The following SLC36A3 variants were observed in gnomAD, a reference collection of about 807,000 sequenced individuals.
SLC36A3 encodes solute carrier family 36 member 3.
SLC36A3 carries 35 observed loss-of-function variants against 44.3 expected under a neutral mutation model. The ratio of observed to expected loss-of-function variants is 0.79; its 90% CI spans 0.60 to 1.05. The LOEUF (loss-of-function observed/expected upper bound fraction) is 1.05. Ranked by LOEUF, SLC36A3 falls within the 50% of genes least tolerant of loss-of-function variation. SLC36A3 has a pLI of 0.00. For synonymous variants in SLC36A3, 211 were observed against 227.6 expected, an observed-to-expected ratio of 0.93 and a Z score of 0.66; for missense variants, 540 against 578.7, an observed-to-expected ratio of 0.93 and a Z score of 0.69.
chr5:151,287,515 A>G, intron 5 of SLC36A3, 51 bp from the exon 6 acceptor site: 2 of 1,527,534 alleles, frequency 1.3e-6, no homozygotes, highest in Non-Finnish European at 1.8e-6. Flanking sequence ...AAAACACAGG[A>G]CACCAATTAC....
At chr5:151,279,022 A>G (rs55823924) in intron 9 of SLC36A3, among the ~76,000 whole-genome samples, 2,257 of 152,282 alleles carry the variant, frequency 0.015, 27 homozygotes, top group Middle Eastern at 0.041. Context: ...GCCCTGACAA[A>G]GCTCTGACCT....
chr5:151,298,348 G>A (rs556478979), intron 2 of SLC36A3: 2 of 468,304 alleles, frequency 4.3e-6, no homozygotes, highest in Admixed American at 7.3e-5. Flanking sequence ...GAGGACTGCG[G>A]GGAGAATTGT....
chr5:151,287,521 A>G (rs1013620914), intron 5 of SLC36A3, 57 bp from the exon 6 acceptor site: 12 of 1,513,494 alleles, frequency 7.9e-6, no homozygotes, highest in Admixed American at 5.3e-5. Flanking sequence ...CAGGACACCA[A>G]TTACATTTGA....
rs770817238 is a variant in SLC36A3 at position 151,288,464 on chromosome 5, A to G, written c.411T>C (p.Thr137=). The G allele has an allele frequency of 3.2e-6, 5 of 1,566,120 alleles. No homozygotes were observed. The highest frequency in any genetic ancestry group is 4.3e-6 in the Non-Finnish European group (5 of 1,154,622). ...LRAHAVWGRY[T]VSFLLVITQL... ...GGGTGATGACTAATAAGAAGCTGAC[A>G]GTGTACCTGGGAAGGAAAGGAAGAG... Residue 137 remains threonine (T), a synonymous_variant, in exon 5 of 10, where the codon ACT becomes ACC. Coordinates refer to ENST00000335230, the MANE Select transcript of SLC36A3 (RefSeq NM_181774.4).
In SLC36A3 at chr5:151,299,252, C is replaced by A. The variant is rs4099174; in HGVS notation, c.129-569G>T. Among the ~76,000 whole-genome samples the A allele has an allele frequency of 9.5e-3, 898 of 94,336 alleles. 4 individuals carry two copies. Among genetic ancestry groups the A allele is most frequent in the Non-Finnish European group, 0.014 (658 of 48,650 alleles). 61.9% of individuals were successfully genotyped at this position (94,336 alleles called of 152,430 possible). On this transcript the variant is annotated intron_variant, in intron 1 of 9. Coordinates refer to ENST00000335230, the MANE Select transcript of SLC36A3 (RefSeq NM_181774.4). ...TCTCTCTCTCTCTCTCTCTCTCTCTCTCTCTCTCTCTCTATATATATATAT... is the reference window on the plus strand; with the variant it reads ...TCTCTCTCTCTCTCTCTCTCTCTCTATCTCTCTCTCTCTATATATATATAT...
chr5:151,287,503 G>T (rs549917667), intron 5 of SLC36A3, 39 bp from the exon 6 acceptor site: 2 of 1,577,584 alleles, frequency 1.3e-6, no homozygotes, highest in East Asian at 2.2e-5. Flanking sequence ...TGGTTGCTAC[G>T]TAAAACACAG....
intron 4 of SLC36A3, among the ~76,000 whole-genome samples, chr5:151,290,617 C>T (rs941751746): frequency 2.0e-4 from 31 of 152,128 alleles, no homozygotes; most frequent in African/African-American, 6.8e-4. Context: ...CAGTATGGGC[C>T]GGGTGCAGTG....
At chr5:151,284,560 T>C (rs1003770850) in intron 7 of SLC36A3, 53 bp downstream of exon 7, 15 of 1,303,332 alleles carry the variant, frequency 1.2e-5, no homozygotes, top group Non-Finnish European at 1.5e-5. Flanking sequence ...CAACTACAGT[T>C]GGCCACTGTA....
intron 1 of SLC36A3, among the ~76,000 whole-genome samples, chr5:151,299,423 C>T (rs1755099325): frequency 6.7e-6 from 1 of 148,644 alleles, no homozygotes; most frequent in South Asian, 2.1e-4. Context: ...TATATATCGA[C>T]ATTATGCACT....
At position 151,293,376 on chromosome 5, in the gene SLC36A3, G is replaced by A; in HGVS notation, c.392C>T (p.Ala131Val). 6.2e-7 allele frequency: 1 copy of A among 1,613,490 alleles called. No homozygotes were observed. Among genetic ancestry groups the A allele is most frequent in the South Asian group, 1.1e-5 (1 of 90,912 alleles). Residue 131 changes from alanine (A) to valine (V), a missense_variant, in exon 4 of 10, where the codon GCA (alanine) becomes GTA (valine). Ala to Val is a moderately conservative substitution (Grantham distance 64). Coordinates refer to ENST00000335230, the MANE Select transcript of SLC36A3 (RefSeq NM_181774.4). Reference sequence around the variant, plus strand: ...CTGTGACTACTACCTTCCCCACACTGCATGGGCCCTCAGCCAGGTGTTCGG... The same window carrying A: ...CTGTGACTACTACCTTCCCCACACTACATGGGCCCTCAGCCAGGTGTTCGG... ...TCPNTWLRAHAVWGRYTVSFL... is the reference protein window; with the variant it reads ...TCPNTWLRAHVVWGRYTVSFL...
chr5:151,298,745 A>G, intron 1 of SLC36A3, 62 bp from the exon 2 acceptor site: 1 of 1,554,524 alleles, frequency 6.4e-7, no homozygotes, highest in Middle Eastern at 1.7e-4. Flanking sequence ...ATGGCCAGAA[A>G]CTCAGCCTCC....
At position 151,303,421 on chromosome 5, in the gene SLC36A3, T is replaced by C; in HGVS notation, c.-67A>G. The C allele has an allele frequency of 6.6e-7, 1 of 1,515,134 alleles. No individual in the cohort carries two copies. The allele number at this position is 1,515,134 out of a possible 1,614,324, so 93.9% of individuals were successfully genotyped here. ...CTCTGAATGAGCCTCTGATGGGTCT[T>C]TCTCCAGAGAAACCATGGCTGCTGA... is the stretch of plus-strand genomic sequence containing the variant. On this transcript the variant is annotated 5_prime_UTR_variant, in exon 1 of 10. Coordinates refer to ENST00000335230, the MANE Select transcript of SLC36A3 (RefSeq NM_181774.4).
intron 6 of SLC36A3, among the ~76,000 whole-genome samples, chr5:151,286,060 A>T (rs540489586): frequency 6.6e-6 from 1 of 152,236 alleles, no homozygotes; most frequent in Admixed American, 6.5e-5. Flanking sequence ...CAAGAAAATG[A>T]AAGTATAATG....
In SLC36A3 at chr5:151,299,254, C is replaced by CTT. The variant is rs1333895300; in HGVS notation, c.129-572_129-571insAA. On this transcript the variant is annotated intron_variant, in intron 1 of 9. Transcript: ENST00000335230. ...TCTCTCTCTCTCTCTCTCTCTCTCTCTCTCTCTCTCTATATATATATATAT... is the reference window on the plus strand; with the variant it reads ...TCTCTCTCTCTCTCTCTCTCTCTCTCTTTCTCTCTCTCTATATATATATATAT... Among the ~76,000 whole-genome samples the CTT allele has an allele frequency of 4.6e-5, 4 of 87,154 alleles. No homozygotes were observed. In the Admixed American group the frequency reaches 5.2e-4, roughly 11 times the overall value. 57.2% of individuals were successfully genotyped at this position (87,154 alleles called of 152,430 possible). A position where few individuals can be genotyped will look rare whatever the true frequency, so the allele number is the denominator to read the frequency against.
chr5:151,297,997 G>A (rs961433310), intron 2 of SLC36A3: 4 of 152,192 alleles, frequency 2.6e-5, no homozygotes, highest in African/African-American at 4.8e-5. Flanking sequence ...TCTTATCTTC[G>A]TAAGTGCTTT....
chr5:151,288,757 A>G (rs1754643938), intron 4 of SLC36A3, among the ~76,000 whole-genome samples: 1 of 151,702 alleles, frequency 6.6e-6, no homozygotes. Flanking sequence ...GTCTATACAC[A>G]CACACACATA....
intron 8 of SLC36A3, 112 bp downstream of exon 8, chr5:151,283,932 T>C (rs2127256983): frequency 1.5e-6 from 2 of 1,348,306 alleles, no homozygotes; most frequent in Non-Finnish European, 2.0e-6. Context: ...CATATGTCAC[T>C]TCCAGTGATG....
intron 1 of SLC36A3, among the ~76,000 whole-genome samples, chr5:151,300,639 C>T (rs983693159): frequency 3.3e-5 from 5 of 152,140 alleles, no homozygotes; most frequent in South Asian, 2.1e-4. Context: ...GACAAGTTTT[C>T]GGAGGAACCA....
At chr5:151,292,116 C>T (rs1301519750) in intron 4 of SLC36A3, among the ~76,000 whole-genome samples, 1 of 152,202 alleles carries the variant, frequency 6.6e-6, no homozygotes, top group African/African-American at 2.4e-5. Context: ...CCACCTCAGC[C>T]TCCCAAAGTG....
Sources: gnomAD v4.1 joint callset for allele counts (sites outside exome capture counted in the v4.1 genomes callset) on GRCh38, gnomAD v4.1.1 for gene constraint, MANE v1.5 for transcripts, NCBI Gene and HGNC (gene_info 2026-07-23, HGNC 2026-07-21) for gene names.